PLA2G4E: variants seen among roughly 807,000 people sequenced by gnomAD.
PLA2G4E encodes the protein phospholipase A2 group IVE.
In PLA2G4E, 84 loss-of-function variants were observed where a neutral mutation model predicts 109.1. The ratio of observed to expected loss-of-function variants is 0.77; its 90% CI spans 0.65 to 0.92. The LOEUF (loss-of-function observed/expected upper bound fraction) is 0.92, where lower values mean the gene tolerates loss of function less well. Ranked by LOEUF, PLA2G4E falls within the 40% of genes least tolerant of loss-of-function variation. PLA2G4E has a pLI of 0.00. For synonymous variants in PLA2G4E, 469 were observed against 436.1 expected (o/e 1.08, Z -0.94); for missense variants, 1,057 against 1,076.6 (o/e 0.98, Z 0.25).
chr15:41,999,241 A>T, intron 10 of PLA2G4E: 1 of 319,890 alleles, frequency 3.1e-6, no homozygotes, highest in Non-Finnish European at 5.8e-6. Flanking sequence ...ATAGAATAAG[A>T]GGAAATATTT....
At chr15:42,001,039 G>A (rs771028806) in intron 7 of PLA2G4E, 118 bp downstream of exon 7, 19 of 1,030,904 alleles carry the variant, frequency 1.8e-5, no homozygotes, top group South Asian at 7.5e-5. Flanking sequence ...GGTTTCAGCC[G>A]AGCTTTTGGT....
At chr15:41,994,753 T>C (rs1030240348) in intron 12 of PLA2G4E, among the ~76,000 whole-genome samples, 3 of 152,252 alleles carry the variant, frequency 2.0e-5, no homozygotes, top group Admixed American at 2.0e-4. Context: ...AAGACAAATG[T>C]ATTCATATTA....
At chr15:42,010,142 C>CCCCTCG (rs139522193) in intron 2 of PLA2G4E, 1 of 442,494 alleles carries the variant, frequency 2.3e-6, no homozygotes, top group African/African-American at 2.2e-5. Flanking sequence ...GCCCCCCCAC[C>CCCCTCG]CCGGGCCTGG....
rs113860755 is a variant in PLA2G4E, at chr15:42,013,577, G to GCA, written c.256+107_256+108insTG. On this transcript the variant is annotated intron_variant, in intron 2 of 19. Transcript: ENST00000399518. ...ACGTATACACCATGCACGTGCACAC[G>GCA]TGCGCGCGCACACACACACACGGAT... 140 of 1,059,212 alleles carry GCA rather than the reference G, an allele frequency of 1.3e-4. 1 individual carries two copies. The highest frequency in any genetic ancestry group is 2.1e-4 in the Middle Eastern group (1 of 4,696). 65.6% of individuals were successfully genotyped at this position (1,059,212 alleles called of 1,614,324 possible). A position where few individuals can be genotyped will look rare whatever the true frequency, so the allele number is the denominator to read the frequency against.
chr15:42,010,010 C>T, intron 2 of PLA2G4E: 1 of 410,758 alleles, frequency 2.4e-6, no homozygotes. Flanking sequence ...GATACAGGTA[C>T]AGATACATCA....
intron 13 of PLA2G4E, among the ~76,000 whole-genome samples, chr15:41,992,364 T>A (rs1015411239): frequency 1.2e-4 from 18 of 152,160 alleles, no homozygotes; most frequent in Non-Finnish European, 2.2e-4. Flanking sequence ...TGCTGCCGCC[T>A]GACCTTTCTT....
chr15:42,006,241 GA>G, intron 3 of PLA2G4E, 120 bp from the exon 4 acceptor site: 1 of 1,281,352 alleles, frequency 7.8e-7, no homozygotes, highest in Non-Finnish European at 1.1e-6. Flanking sequence ...AGACAGCCCA[GA>G]AGTCCCTGCT....
chr15:42,037,781 C>T (rs1889244427), intron 1 of PLA2G4E, among the ~76,000 whole-genome samples: 1 of 152,212 alleles, frequency 6.6e-6, no homozygotes, highest in Non-Finnish European at 1.5e-5. Flanking sequence ...AGCTTCTGGG[C>T]ACCACCACAT....
At chr15:42,038,536 G>T (rs771500844) in intron 1 of PLA2G4E, among the ~76,000 whole-genome samples, 27 of 152,212 alleles carry the variant, frequency 1.8e-4, no homozygotes, top group Non-Finnish European at 3.2e-4. Context: ...AATAGTGTTT[G>T]CACTCCTATG....
At chr15:42,027,625 G>A (rs2068703464) in intron 1 of PLA2G4E, among the ~76,000 whole-genome samples, 1 of 152,170 alleles carries the variant, frequency 6.6e-6, no homozygotes, top group Non-Finnish European at 1.5e-5. Flanking sequence ...CCGGATTCAA[G>A]CCTGCCCCTC....
chr15:42,007,480 T>C (rs2068488289), intron 3 of PLA2G4E, among the ~76,000 whole-genome samples: 1 of 152,048 alleles, frequency 6.6e-6, no homozygotes, highest in South Asian at 2.1e-4. Context: ...GACACCTAGT[T>C]TCAGCAACAA....
exon 19 of PLA2G4E, chr15:41,984,459 G>C: frequency 6.2e-7 from 1 of 1,613,560 alleles, no homozygotes. Context: ...TTTTCGGAAA[G>C]TGTCATTGAT....
chr15:42,025,388 C>T (rs2068684958), intron 1 of PLA2G4E, among the ~76,000 whole-genome samples: 1 of 152,028 alleles, frequency 6.6e-6, no homozygotes, highest in Non-Finnish European at 1.5e-5. Context: ...GAGAGTTTAT[C>T]AGAGGCTTGG....
intron 6 of PLA2G4E, among the ~76,000 whole-genome samples, chr15:42,001,511 G>A (rs1191310284): frequency 6.6e-6 from 1 of 152,146 alleles, no homozygotes; most frequent in Non-Finnish European, 1.5e-5. Flanking sequence ...TGACCTGAGG[G>A]AATGTTCAGC....
At chr15:42,032,449 G>A (rs185789934) in intron 1 of PLA2G4E, among the ~76,000 whole-genome samples, 252 of 152,366 alleles carry the variant, frequency 1.7e-3, no homozygotes, top group African/African-American at 5.8e-3. Context: ...AGCAGGAGAT[G>A]CCTTCAGATC....
chr15:41,994,699 C>T (rs1236794200), intron 12 of PLA2G4E, among the ~76,000 whole-genome samples: 1 of 151,846 alleles, frequency 6.6e-6, no homozygotes, highest in Non-Finnish European at 1.5e-5. Context: ...TTCATGCTGG[C>T]CACATAAAAA....
At chr15:42,000,622 T>C (rs991280354) in intron 7 of PLA2G4E, among the ~76,000 whole-genome samples, 1 of 152,166 alleles carries the variant, frequency 6.6e-6, no homozygotes, top group African/African-American at 2.4e-5. Flanking sequence ...ACACTGTCGC[T>C]TTTGATGTAG....
exon 12 of PLA2G4E, chr15:41,995,463 C>T: frequency 1.2e-6 from 2 of 1,614,006 alleles, no homozygotes; most frequent in Non-Finnish European, 1.7e-6. Flanking sequence ...GATCTTGTTC[C>T]ACCCCCAGTG....
intron 1 of PLA2G4E, among the ~76,000 whole-genome samples, chr15:42,017,078 G>C (rs948646805): frequency 6.6e-6 from 1 of 152,206 alleles, no homozygotes; most frequent in African/African-American, 2.4e-5. Flanking sequence ...CTTTCTCAGA[G>C]GGCAACTAGA....
Sources: gnomAD v4.1 joint callset for allele counts (sites outside exome capture counted in the v4.1 genomes callset) on GRCh38, gnomAD v4.1.1 for gene constraint, MANE v1.5 for transcripts, NCBI Gene and HGNC (gene_info 2026-07-23, HGNC 2026-07-21) for gene names.